P2RY14: variants seen among roughly 807,000 people sequenced by gnomAD.
The protein encoded by P2RY14 is purinergic receptor P2Y14, also known as P2Y purinoceptor 14.
A neutral mutation model predicts 0.9 loss-of-function variants in P2RY14; 2 were observed. The ratio of observed to expected loss-of-function variants is 2.16; its 90% CI spans 0.88 to 6.79. The LOEUF is 6.79. Among genes scored for constraint, P2RY14 ranks in the 30% most tolerant of loss-of-function variants. P2RY14 has a pLI of 0.05. For missense variants in P2RY14, 378 were observed against 400.1 expected (o/e 0.94, Z 0.47); for synonymous variants, 158 against 147.2 (o/e 1.07, Z -0.53).
At chr3:151,229,305 CTTT>C (rs35097589) in intron 1 of P2RY14, among the ~76,000 whole-genome samples, 27 of 112,496 alleles carry the variant, frequency 2.4e-4, no homozygotes, top group Non-Finnish European at 3.5e-4. Context: ...TTCAGCAATT[CTTT>C]TTTTTTTTTT....
chr3:151,213,923 TGAAA>T lies in P2RY14; in HGVS notation c.390_393del (p.Phe131SerfsTer4), dbSNP rs1321371535. On this transcript the variant is annotated frameshift_variant, in exon 3 of 3. Coordinates refer to ENST00000309170, the MANE Select transcript of P2RY14 (RefSeq NM_014879.4). LOFTEE classifies it low-confidence loss of function (END_TRUNC). ...AGTTTGCTGTAACTCACTGACTGGA[TGAAA>T]GAAGTCCAAAGAGGCTTTACAATTT... 6.2e-7 allele frequency: 1 copy of T among 1,614,042 alleles called. No homozygotes were observed. Among genetic ancestry groups the T allele is most frequent in the African/African-American group, 1.3e-5 (1 of 74,926 alleles).
intron 1 of P2RY14, among the ~76,000 whole-genome samples, chr3:151,265,271 T>A (rs771516258): frequency 2.6e-5 from 4 of 152,222 alleles, no homozygotes; most frequent in Non-Finnish European, 4.4e-5. Context: ...TAAATAGTCA[T>A]CATGGAAACT....
intron 1 of P2RY14, among the ~76,000 whole-genome samples, chr3:151,268,348 A>T (rs529381018): frequency 7.9e-5 from 12 of 152,216 alleles, no homozygotes; most frequent in Non-Finnish European, 1.8e-4. Flanking sequence ...TGCTAATGAC[A>T]TGGTAATTTT....
chr3:151,261,165 T>C (rs905890192), intron 1 of P2RY14, among the ~76,000 whole-genome samples: 1 of 152,156 alleles, frequency 6.6e-6, no homozygotes, highest in Non-Finnish European at 1.5e-5. Context: ...AATTATACTG[T>C]TCCCCATTCT....
Position 151,213,882 on chromosome 3 carries a change from T to C in P2RY14, c.435A>G (p.Val145=). The C allele has an allele frequency of 6.2e-7, 1 of 1,614,052 alleles. No homozygotes were observed. The highest frequency in any genetic ancestry group is 1.1e-5 in the South Asian group (1 of 91,080). Reference sequence around the variant, plus strand: ...CAGCAAGGAGGAGCATGAGCATCCATACTATCACTGACAGAAGTTTGCTGT... The same window carrying C: ...CAGCAAGGAGGAGCATGAGCATCCACACTATCACTGACAGAAGTTTGCTGT... The part of the protein sequence containing the change: ...VSYSKLLSVI[V]WMLMLLLAVP... Residue 145 remains valine (V), a synonymous_variant, in exon 3 of 3, where the codon GTA becomes GTG. Transcript: ENST00000309170.
At chr3:151,263,324 T>A (rs1739249768) in intron 1 of P2RY14, among the ~76,000 whole-genome samples, 1 of 152,220 alleles carries the variant, frequency 6.6e-6, no homozygotes, top group Admixed American at 6.5e-5. Flanking sequence ...CTTGTGAGCA[T>A]CTGTTTCATT....
intron 1 of P2RY14, among the ~76,000 whole-genome samples, chr3:151,234,974 ACGTCATGGACGTGGTT>A (rs1349080437): frequency 6.6e-6 from 1 of 152,084 alleles, no homozygotes; most frequent in Non-Finnish European, 1.5e-5. Context: ...ATTTCTAACC[ACGTCATGGACGTGGTT>A]AACTTGTAGA....
At chr3:151,272,392 A>G (rs1045055703) in intron 1 of P2RY14, among the ~76,000 whole-genome samples, 12 of 152,220 alleles carry the variant, frequency 7.9e-5, no homozygotes, top group South Asian at 2.1e-4. Flanking sequence ...TTATCAGTCT[A>G]TCATTTCCCA....
intron 1 of P2RY14, among the ~76,000 whole-genome samples, chr3:151,274,186 T>C (rs1741472473): frequency 6.6e-6 from 1 of 152,252 alleles, no homozygotes; most frequent in Non-Finnish European, 1.5e-5. Context: ...GTGCACTTTG[T>C]ATTTCAAATT....
intron 1 of P2RY14, among the ~76,000 whole-genome samples, chr3:151,238,108 C>T (rs1351576475): frequency 6.6e-6 from 1 of 151,824 alleles, no homozygotes; most frequent in Non-Finnish European, 1.5e-5. Context: ...CTTTTCTGTC[C>T]TAAAGTTTAG....
chr3:151,242,752 C>A (rs2149391269), intron 1 of P2RY14, among the ~76,000 whole-genome samples: 1 of 152,310 alleles, frequency 6.6e-6, no homozygotes, highest in African/African-American at 2.4e-5. Flanking sequence ...AGCAGCGGAA[C>A]AAAGCTGGAT....
intron 1 of P2RY14, among the ~76,000 whole-genome samples, chr3:151,247,962 C>CTTCT (rs1314747790): frequency 3.0e-4 from 23 of 75,902 alleles, no homozygotes; most frequent in Non-Finnish European, 4.4e-4. Context: ...TCTTCTTCTT[C>CTTCT]TTTTTTTTTT....
chr3:151,263,350 T>C (rs541917934), intron 1 of P2RY14, among the ~76,000 whole-genome samples: 54 of 152,304 alleles, frequency 3.5e-4, no homozygotes, highest in African/African-American at 1.2e-3. Flanking sequence ...CTGGATAACA[T>C]TGCATTATTA....
chr3:151,214,233 C>T lies in P2RY14; in HGVS notation c.84G>A (p.Leu28=). 2.5e-6 allele frequency: 4 copies of T among 1,613,900 alleles called. No individual in the cohort carries two copies. Among genetic ancestry groups the T allele is most frequent in the Non-Finnish European group, 3.4e-6 (4 of 1,179,816 alleles). Residue 28 remains leucine, a synonymous_variant, in exon 3 of 3, where the codon CTG becomes CTA. Transcript: ENST00000309170. ...LLITQQIIPV[L]YCMVFIAGIL... ...TTCCTGCAATGAAGACCATACAGTA[C>T]AGCACAGGAATGATCTGCTGAGTGA...
intron 1 of P2RY14, among the ~76,000 whole-genome samples, chr3:151,233,626 G>C (rs1257330326): frequency 3.9e-5 from 6 of 152,156 alleles, no homozygotes; most frequent in Admixed American, 2.6e-4. Flanking sequence ...CCAGCTACTC[G>C]GGAGGCTGAG....
chr3:151,273,063 A>T (rs1332821278), intron 1 of P2RY14, among the ~76,000 whole-genome samples: 1 of 152,062 alleles, frequency 6.6e-6, no homozygotes, highest in Non-Finnish European at 1.5e-5. Flanking sequence ...AATATTCCAA[A>T]ATCTGAAATC....
At chr3:151,273,628 A>G (rs1741382053) in intron 1 of P2RY14, among the ~76,000 whole-genome samples, 5 of 152,130 alleles carry the variant, frequency 3.3e-5, no homozygotes, top group Admixed American at 3.3e-4. Flanking sequence ...AAAATGAGGC[A>G]TAGAGTTGTT....
In P2RY14 at chr3:151,212,739, A is replaced by G. The variant is rs1727383763; in HGVS notation, c.*561T>C. On this transcript the variant is annotated 3_prime_UTR_variant, in exon 3 of 3. Transcript: ENST00000309170. ...TCCTCTTCCTTTGCAGTGCCATGAA[A>G]TACATCAATAAGGGGTTTCTTAAGT... 1 of 152,196 alleles carries G rather than the reference A, an allele frequency of 6.6e-6. No individual in the cohort carries two copies. The highest frequency in any genetic ancestry group is 2.4e-5 in the African/African-American group (1 of 41,444). 9.4% of individuals were successfully genotyped at this position (152,196 alleles called of 1,614,324 possible).
At chr3:151,233,833 G>A (rs972082167) in intron 1 of P2RY14, among the ~76,000 whole-genome samples, 3 of 152,196 alleles carry the variant, frequency 2.0e-5, no homozygotes, top group Admixed American at 6.5e-5. Flanking sequence ...GCCTTTCTCC[G>A]CCTTGTGGTA....
Sources: gnomAD v4.1 joint callset for allele counts (sites outside exome capture counted in the v4.1 genomes callset) on GRCh38, gnomAD v4.1.1 for gene constraint, MANE v1.5 for transcripts, NCBI Gene and HGNC (gene_info 2026-07-23, HGNC 2026-07-21) for gene names.